The following LRRC39 variants were observed in gnomAD, a reference collection of about 807,000 sequenced individuals.
The protein encoded by LRRC39 is leucine-rich repeat-containing protein 39.
A neutral mutation model predicts 39.7 loss-of-function variants in LRRC39; 35 were observed. The ratio of observed to expected loss-of-function variants is 0.88; its 90% CI spans 0.67 to 1.17. LRRC39 has a LOEUF of 1.17. Among genes scored for constraint, LRRC39 ranks in the 50% most tolerant of loss-of-function variants. The pLI is 0.00. For missense variants in LRRC39, 357 were observed against 385.8 expected (o/e 0.93, Z 0.62); for synonymous variants, 113 against 134.1 (o/e 0.84, Z 1.09).
chr1:100,148,562 A>C lies in LRRC39; in HGVS notation c.*480T>G, dbSNP rs1657591343. 6.9e-7 allele frequency: 1 copy of C among 1,458,470 alleles called. No individual in the cohort carries two copies. The highest frequency in any genetic ancestry group is 9.4e-7 in the Non-Finnish European group (1 of 1,064,252). The allele number at this position is 1,458,470 out of a possible 1,614,324, so 90.3% of individuals were successfully genotyped here. ...CAGTCTCTCAATAAATAGTGACAAA[A>C]ATAATTTTTTATAAACTTTTGCAAA... On this transcript the variant is annotated 3_prime_UTR_variant, in exon 10 of 10. Transcript: ENST00000370137.
intron 7 of LRRC39, among the ~76,000 whole-genome samples, chr1:100,155,662 A>G (rs1241040886): frequency 6.6e-6 from 1 of 152,214 alleles, no homozygotes; most frequent in Non-Finnish European, 1.5e-5. Flanking sequence ...AGAGAACAAT[A>G]AAATGATGAA....
At chr1:100,172,011 C>T (rs1377105225) in intron 2 of LRRC39, among the ~76,000 whole-genome samples, 1 of 151,950 alleles carries the variant, frequency 6.6e-6, no homozygotes, top group Admixed American at 6.6e-5. Flanking sequence ...CTAGATAAAA[C>T]AAACACAAAG....
intron 5 of LRRC39, among the ~76,000 whole-genome samples, chr1:100,158,656 G>T (rs593161): frequency 0.24 from 36,030 of 151,612 alleles, 6,406 homozygotes; most frequent in African/African-American, 0.5. Context: ...CAGGATGGTC[G>T]CGATTTCCTG....
upstream of LRRC39, among the ~76,000 whole-genome samples, chr1:100,179,499 C>CAAAAAAAAAAAAAAAAAAAAAAAAAA (rs60588308): frequency 4.4e-5 from 2 of 45,616 alleles, no homozygotes; most frequent in African/African-American, 1.6e-4. Context: ...CTGTATCTAC[C>CAAAAAAAAAAAAAAAAAAAAAAAAAA]AAAAAAAAAA....
intron 9 of LRRC39, among the ~76,000 whole-genome samples, chr1:100,151,750 T>C (rs992338999): frequency 2.0e-5 from 3 of 152,228 alleles, no homozygotes; most frequent in Non-Finnish European, 4.4e-5. Context: ...TTGAAATCTC[T>C]ATATCAAAAC....
At chr1:100,157,973 C>G (rs1658579067) in intron 6 of LRRC39, among the ~76,000 whole-genome samples, 1 of 152,194 alleles carries the variant, frequency 6.6e-6, no homozygotes, top group Non-Finnish European at 1.5e-5. Flanking sequence ...GACTATAATA[C>G]AACTCTCACC....
At chr1:100,158,409 AT>A (rs1421750774) in intron 5 of LRRC39, 42 bp from the exon 6 acceptor site, 1 of 1,548,032 alleles carries the variant, frequency 6.5e-7, no homozygotes, top group Non-Finnish European at 8.8e-7. Context: ...TGGATATAAA[AT>A]AATCTTTATA....
chr1:100,153,095 T>C (rs1380074154), intron 8 of LRRC39, among the ~76,000 whole-genome samples: 2 of 152,196 alleles, frequency 1.3e-5, no homozygotes, highest in Non-Finnish European at 1.5e-5. Context: ...AAATATAAAA[T>C]TAGTGCTATG....
chr1:100,177,100 G>A (rs561665971), intron 1 of LRRC39, among the ~76,000 whole-genome samples: 91 of 152,090 alleles, frequency 6.0e-4, no homozygotes, highest in Middle Eastern at 3.4e-3. Flanking sequence ...GCAGTGTAAG[G>A]GAACTTAATC....
At chr1:100,151,587 G>A (rs1658038939) in intron 9 of LRRC39, among the ~76,000 whole-genome samples, 1 of 152,044 alleles carries the variant, frequency 6.6e-6, no homozygotes, top group African/African-American at 2.4e-5. Flanking sequence ...TACCTTTTAA[G>A]TTAAAAATTC....
At chr1:100,164,842 G>A (rs534831709) in intron 3 of LRRC39, among the ~76,000 whole-genome samples, 6 of 151,818 alleles carry the variant, frequency 4.0e-5, no homozygotes, top group East Asian at 3.9e-4. Flanking sequence ...CCCAAGTAAC[G>A]GGGACTACAG....
chr1:100,165,194 A>T (rs1659159091), intron 3 of LRRC39, among the ~76,000 whole-genome samples: 1 of 152,182 alleles, frequency 6.6e-6, no homozygotes, highest in Admixed American at 6.5e-5. Flanking sequence ...CACAAATTCC[A>T]TGTAATGTTT....
intron 5 of LRRC39, among the ~76,000 whole-genome samples, chr1:100,158,664 C>T (rs1210989229): frequency 6.6e-6 from 1 of 151,980 alleles, no homozygotes; most frequent in Non-Finnish European, 1.5e-5. Context: ...TCGCGATTTC[C>T]TGACCTCGTG....
chr1:100,158,654 T>C lies in LRRC39; in HGVS notation c.377-287A>G, dbSNP rs190514908. ...GGTTTCACCGTGTTAGCCAGGATGG[T>C]CGCGATTTCCTGACCTCGTGATCCG... On this transcript the variant is annotated intron_variant, in intron 5 of 9. Coordinates refer to ENST00000370137, the MANE Select transcript of LRRC39 (RefSeq NM_144620.4). Among the ~76,000 whole-genome samples the C allele has an allele frequency of 8.5e-3, 1,298 of 152,160 alleles. 11 individuals are homozygous for C. The highest frequency in any genetic ancestry group is 0.035 in the East Asian group (179 of 5,180).
chr1:100,149,616 T>C (rs536945573), intron 9 of LRRC39: 1 of 486,756 alleles, frequency 2.1e-6, no homozygotes, highest in East Asian at 4.0e-5. Context: ...AAACAATAAG[T>C]ATGTTCTCTT....
At chr1:100,158,695 T>C (rs942074991) in intron 5 of LRRC39, among the ~76,000 whole-genome samples, 5 of 151,764 alleles carry the variant, frequency 3.3e-5, no homozygotes, top group East Asian at 1.9e-4. Context: ...CTCGGCCTCC[T>C]AAAGTGCTGG....
rs183769036 is a variant in LRRC39, at chr1:100,159,018, C to T, written c.376+241G>A. ...GAATAGCTGAGCCGACAATATTGTT[C>T]CGAGAATCACAGGATATTTTCCAAA... On this transcript the variant is annotated intron_variant, in intron 5 of 9. Transcript: ENST00000370137. Among the ~76,000 whole-genome samples, 124 of 152,086 alleles carry T rather than the reference C, an allele frequency of 8.2e-4. 1 individual carries two copies. The highest frequency in any genetic ancestry group is 2.9e-3 in the African/African-American group (121 of 41,484).
chr1:100,156,563 C>G (rs939717046), intron 6 of LRRC39, among the ~76,000 whole-genome samples: 1 of 152,184 alleles, frequency 6.6e-6, no homozygotes, highest in African/African-American at 2.4e-5. Context: ...AACCTGGTTT[C>G]AGGGTTTATA....
chr1:100,154,119 C>T (rs1258598325), intron 8 of LRRC39, among the ~76,000 whole-genome samples: 1 of 151,188 alleles, frequency 6.6e-6, no homozygotes, highest in Non-Finnish European at 1.5e-5. Context: ...TGGGTTAATA[C>T]AAACAGCGAA....
Sources: gnomAD v4.1 joint callset for allele counts (sites outside exome capture counted in the v4.1 genomes callset) on GRCh38, gnomAD v4.1.1 for gene constraint, MANE v1.5 for transcripts, NCBI Gene and HGNC (gene_info 2026-07-23, HGNC 2026-07-21) for gene names.